PLD5: variants seen among roughly 807,000 people sequenced by gnomAD.
The protein encoded by PLD5 is inactive phospholipase D5.
Under a neutral mutation model 61.1 loss-of-function variants are expected in PLD5, and 36 were observed. The ratio of observed to expected loss-of-function variants is 0.59; its 90% CI spans 0.45 to 0.78. PLD5 has a LOEUF of 0.78. Ranked by LOEUF, PLD5 falls within the 30% of genes least tolerant of loss-of-function variation. The pLI, the probability that PLD5 is intolerant of heterozygous loss-of-function variation, is 0.00. For synonymous variants in PLD5, 243 were observed against 242.8 expected (o/e 1.00, Z -0.01); for missense variants, 515 against 644.4 (o/e 0.80, Z 2.17).
At chr1:242,212,845 C>T (rs962371455) in intron 5 of PLD5, among the ~76,000 whole-genome samples, 2 of 152,152 alleles carry the variant, frequency 1.3e-5, no homozygotes, top group Non-Finnish European at 2.9e-5. Flanking sequence ...TAATGGCCAC[C>T]GTTATCTCTC....
intron 2 of PLD5, among the ~76,000 whole-genome samples, chr1:242,338,834 G>C (rs1049021407): frequency 1.1e-4 from 16 of 152,172 alleles, no homozygotes; most frequent in Non-Finnish European, 2.2e-4. Flanking sequence ...TAGGAGAGTA[G>C]AGTTCAGAAG....
intron 4 of PLD5, among the ~76,000 whole-genome samples, chr1:242,252,898 C>T (rs1028793396): frequency 6.9e-6 from 1 of 144,756 alleles, no homozygotes; most frequent in Non-Finnish European, 1.5e-5. Context: ...CTCACTGCAA[C>T]TTCCGCCTCC....
At chr1:242,496,831 G>A (rs1260033742) in intron 1 of PLD5, among the ~76,000 whole-genome samples, 1 of 152,224 alleles carries the variant, frequency 6.6e-6, no homozygotes, top group Non-Finnish European at 1.5e-5. Flanking sequence ...GATTATATGT[G>A]TCAGCCTCCC....
At chr1:242,339,814 G>A (rs1659731857) in intron 2 of PLD5, among the ~76,000 whole-genome samples, 1 of 152,174 alleles carries the variant, frequency 6.6e-6, no homozygotes, top group Non-Finnish European at 1.5e-5. Context: ...GTTACATCAG[G>A]TGGACGCCAT....
intron 4 of PLD5, among the ~76,000 whole-genome samples, chr1:242,240,884 A>G (rs1306459657): frequency 6.6e-6 from 1 of 152,186 alleles, no homozygotes; most frequent in Non-Finnish European, 1.5e-5. Flanking sequence ...TGGACTCTAT[A>G]AAGTTCTAGC....
chr1:242,333,972 A>T (rs1659349342), intron 2 of PLD5, among the ~76,000 whole-genome samples: 1 of 152,184 alleles, frequency 6.6e-6, no homozygotes, highest in Non-Finnish European at 1.5e-5. Flanking sequence ...GCATGCAGAT[A>T]ACTCTTTGAT....
intron 5 of PLD5, among the ~76,000 whole-genome samples, chr1:242,172,028 G>A (rs113536025): frequency 1.3e-4 from 20 of 150,726 alleles, no homozygotes; most frequent in Admixed American, 2.6e-4. Flanking sequence ...AACTCCAAGC[G>A]GACCTAATAG....
intron 5 of PLD5, among the ~76,000 whole-genome samples, chr1:242,148,140 T>C (rs1234318566): frequency 6.6e-6 from 1 of 152,014 alleles, no homozygotes; most frequent in Non-Finnish European, 1.5e-5. Context: ...TTCTGGAAAT[T>C]ATATAGTTTT....
At chr1:242,194,594 C>CTATCTATCTATG (rs1284287816) in intron 5 of PLD5, among the ~76,000 whole-genome samples, 1 of 70,648 alleles carries the variant, frequency 1.4e-5, no homozygotes, top group Non-Finnish European at 2.6e-5. Flanking sequence ...ATCTATCTAT[C>CTATCTATCTATG]TATCTATCTA....
At chr1:242,445,209 C>T (rs567884069) in intron 1 of PLD5, among the ~76,000 whole-genome samples, 2 of 152,306 alleles carry the variant, frequency 1.3e-5, no homozygotes, top group East Asian at 1.9e-4. Flanking sequence ...AGCTATCGAG[C>T]TCATTCTACT....
chr1:242,298,028 C>T (rs894551828), intron 2 of PLD5, among the ~76,000 whole-genome samples: 6 of 152,140 alleles, frequency 3.9e-5, no homozygotes, highest in Non-Finnish European at 5.9e-5. Flanking sequence ...AATGGGAGCC[C>T]CTGTAAGTTG....
intron 1 of PLD5, among the ~76,000 whole-genome samples, chr1:242,445,146 A>T (rs1666469944): frequency 2.0e-5 from 3 of 152,172 alleles, no homozygotes; most frequent in Admixed American, 1.3e-4. Flanking sequence ...TGAGGTCTTG[A>T]AGGCTCCGCC....
intron 5 of PLD5, among the ~76,000 whole-genome samples, chr1:242,170,313 A>G (rs1214334539): frequency 6.6e-6 from 1 of 152,194 alleles, no homozygotes; most frequent in Non-Finnish European, 1.5e-5. Context: ...TGGACCGCTA[A>G]CAAACTCCAG....
At chr1:242,475,347 C>CG (rs1667559094) in intron 1 of PLD5, among the ~76,000 whole-genome samples, 1 of 141,624 alleles carries the variant, frequency 7.1e-6, no homozygotes. Flanking sequence ...GGCGTGAACC[C>CG]GGGAAGCGGA....
intron 7 of PLD5, 133 bp downstream of exon 7, chr1:242,113,757 A>G (rs990803007): frequency 2.1e-5 from 23 of 1,112,394 alleles, no homozygotes; most frequent in African/African-American, 3.2e-5. Context: ...CATGTTAAAC[A>G]GCAATGAATG....
At chr1:242,097,731 G>A (rs1357417015) in intron 9 of PLD5, among the ~76,000 whole-genome samples, 2 of 152,140 alleles carry the variant, frequency 1.3e-5, no homozygotes, top group African/African-American at 2.4e-5. Flanking sequence ...CTTTTGCTGT[G>A]CAGAAGCTCT....
At chr1:242,097,706 C>T (rs1285460988) in intron 9 of PLD5, among the ~76,000 whole-genome samples, 3 of 152,176 alleles carry the variant, frequency 2.0e-5, no homozygotes, top group Non-Finnish European at 4.4e-5. Context: ...TGCCTATTCA[C>T]TCTGATGGTA....
intron 9 of PLD5, among the ~76,000 whole-genome samples, chr1:242,093,236 A>G (rs536538830): frequency 6.6e-6 from 1 of 152,308 alleles, no homozygotes; most frequent in Admixed American, 6.5e-5. Flanking sequence ...GCTCAGTGCC[A>G]GGTAAATACA....
intron 1 of PLD5, among the ~76,000 whole-genome samples, chr1:242,370,747 C>T (rs1027181138): frequency 6.6e-5 from 10 of 152,236 alleles, no homozygotes; most frequent in East Asian, 3.9e-4. Flanking sequence ...CTAAAAATTA[C>T]GCTTTCATGT....
Sources: gnomAD v4.1 joint callset for allele counts (sites outside exome capture counted in the v4.1 genomes callset) on GRCh38, gnomAD v4.1.1 for gene constraint, MANE v1.5 for transcripts, NCBI Gene and HGNC (gene_info 2026-07-23, HGNC 2026-07-21) for gene names.